The following GHRHR variants were observed in gnomAD, a reference collection of about 807,000 sequenced individuals.
GHRHR encodes growth hormone-releasing hormone receptor.
GHRHR carries 40 observed loss-of-function variants against 58.3 expected under a neutral mutation model. That is an observed-to-expected ratio of 0.69 (90% CI 0.53 to 0.89). GHRHR has a LOEUF of 0.89. Ranked by LOEUF, GHRHR falls within the 40% of genes least tolerant of loss-of-function variation. The pLI is 0.00. For missense variants in GHRHR, 551 were observed against 541.3 expected, an observed-to-expected ratio of 1.02 and a Z score of -0.18; for synonymous variants, 249 against 216.6, an observed-to-expected ratio of 1.15 and a Z score of -1.31.
At chr7:30,975,924 A>C in intron 10 of GHRHR, 56 bp downstream of exon 10, 1 of 969,954 alleles carries the variant, frequency 1.0e-6, no homozygotes, top group Non-Finnish European at 1.7e-6. Context: ...GGGGGATTCA[A>C]TGTGTCTGTC....
intron 1 of GHRHR, among the ~76,000 whole-genome samples, chr7:30,967,300 T>C (rs1398552438): frequency 6.6e-6 from 1 of 152,148 alleles, no homozygotes; most frequent in Non-Finnish European, 1.5e-5. Flanking sequence ...CCACCCTAGA[T>C]CTCTACATAT....
rs1792445803 is a variant in GHRHR at position 30,969,897 on chromosome 7, G to A, written c.299G>A (p.Gly100Asp). 1.2e-6 allele frequency: 2 copies of A among 1,610,122 alleles called. No individual in the cohort carries two copies. Among genetic ancestry groups the A allele is most frequent in the Non-Finnish European group, 1.7e-6 (2 of 1,176,298 alleles). Residue 100 changes from glycine to aspartate, a missense_variant, in exon 4 of 13, where the codon GGC (glycine) becomes GAC (aspartate). Physicochemically the swap from Gly to Asp is moderately conservative, Grantham distance 94 (BLOSUM62 -1). Coordinates refer to ENST00000326139, the MANE Select transcript of GHRHR (RefSeq NM_000823.4). Reference sequence around the variant, plus strand: ...GTGAAACGGGATTGTACTATCACTGGCTGGTCTGAGCCCTTTCCACCTTAC... The same window carrying A: ...GTGAAACGGGATTGTACTATCACTGACTGGTCTGAGCCCTTTCCACCTTAC... Reference protein sequence around the residue: ...GAVKRDCTITGWSEPFPPYPV... With the variant: ...GAVKRDCTITDWSEPFPPYPV...
At chr7:30,976,637 G>A in intron 11 of GHRHR, 79 bp downstream of exon 11, 1 of 1,231,802 alleles carries the variant, frequency 8.1e-7, no homozygotes, top group East Asian at 2.4e-5. Context: ...CCTTGGCTGA[G>A]TTCATGACAG....
chr7:30,975,809 C>T lies in GHRHR; in HGVS notation c.915C>T (p.Arg305=). 6.2e-7 allele frequency: 1 copy of T among 1,611,940 alleles called. No homozygotes were observed. Among genetic ancestry groups the T allele is most frequent in the Non-Finnish European group, 8.5e-7 (1 of 1,177,992 alleles). ...TTGGGCTTTTTCTCAATATTATCCG[C>T]ATCCTGGTGAGGAAACTGGAGCCAG... The part of the protein sequence containing the change: ...VNFGLFLNII[R]ILVRKLEPAQ... The change falls in exon 10 of 13, where the codon CGC becomes CGT. Residue 305 remains arginine (R), a synonymous_variant. Coordinates refer to ENST00000326139, the MANE Select transcript of GHRHR (RefSeq NM_000823.4).
intron 11 of GHRHR, 110 bp from the exon 12 acceptor site, chr7:30,977,171 G>T: frequency 7.1e-6 from 7 of 988,324 alleles, no homozygotes. Context: ...ATCAAACCTG[G>T]CCCAAGCCAT....
intron 12 of GHRHR, among the ~76,000 whole-genome samples, chr7:30,977,544 T>C (rs978413737): frequency 1.2e-4 from 18 of 152,180 alleles, no homozygotes; most frequent in African/African-American, 4.1e-4. Context: ...GGCCAAGTTC[T>C]ACTAGCTACT....
chr7:30,967,366 T>C (rs1792378362), intron 1 of GHRHR, among the ~76,000 whole-genome samples: 1 of 152,204 alleles, frequency 6.6e-6, no homozygotes, highest in Non-Finnish European at 1.5e-5. Flanking sequence ...CTTTCAGAAG[T>C]ACTGCTAGAA....
chr7:30,964,720 T>C (rs941518164), intron 1 of GHRHR, among the ~76,000 whole-genome samples: 2 of 152,208 alleles, frequency 1.3e-5, no homozygotes, highest in Non-Finnish European at 1.5e-5. Context: ...CTTCTCACGA[T>C]GCTGAGGGCT....
At position 30,972,070 on chromosome 7, in the gene GHRHR, A is replaced by G. The variant is rs1351369794; in HGVS notation, c.572A>G (p.Asp191Gly). 6.2e-7 allele frequency: 1 copy of G among 1,614,108 alleles called. No homozygotes were observed. ...LKDAALFHSDDTDHCSFSTVL... is the reference protein window; with the variant it reads ...LKDAALFHSDGTDHCSFSTVL... ...GATGCTGCCCTTTTCCACAGCGACG[A>G]CACTGACCACTGCAGCTTCTCCACT... The change falls in exon 6 of 13, where the codon GAC becomes GGC. Residue 191 changes from aspartate to glycine, a missense_variant. Transcript: ENST00000326139.
chr7:30,974,094 C>T lies in GHRHR; in HGVS notation c.707C>T (p.Pro236Leu), dbSNP rs142710091. ...AACTGCCTCCTGGCCTCCACCTCCCCCAGCTCAAGGAGAGCCTTCTGGTGG... is the reference window on the plus strand; with the variant it reads ...AACTGCCTCCTGGCCTCCACCTCCCTCAGCTCAAGGAGAGCCTTCTGGTGG... ...YLNCLLASTS[P>L]SSRRAFWWLV... is the part of the protein sequence containing the mutation. Residue 236 changes from proline to leucine, a missense_variant, in exon 7 of 13, where the codon CCC becomes CTC. Pro to Leu is a moderately conservative substitution (Grantham distance 98). Coordinates refer to ENST00000326139, the MANE Select transcript of GHRHR (RefSeq NM_000823.4). The T allele has an allele frequency of 5.0e-6, 8 of 1,614,158 alleles. No homozygotes were observed. The highest frequency in any genetic ancestry group is 1.1e-5 in the South Asian group (1 of 91,076).
rs534220273 is a variant in GHRHR at position 30,964,095 on chromosome 7, C to A, written c.27C>A (p.His9Gln). MDRRMWGA[H>Q]VFCVLSPLPT... ...TGGACCGCCGGATGTGGGGGGCCCA[C>A]GTCTTCTGCGTGTTGAGCCCGTTAC... is the stretch of plus-strand genomic sequence containing the variant. The change falls in exon 1 of 13, where the codon CAC becomes CAA. Residue 9 changes from histidine to glutamine, a missense_variant. Physicochemically the swap from His to Gln is conservative, Grantham distance 24 (BLOSUM62 0). Transcript: ENST00000326139. 1.3e-6 allele frequency: 2 copies of A among 1,550,026 alleles called. No individual in the cohort carries two copies. Among genetic ancestry groups the A allele is most frequent in the African/African-American group, 1.4e-5 (1 of 73,056 alleles).
rs1321201781 is a variant in GHRHR, at chr7:30,966,768, G to GAGT, written c.58-2063_58-2061dup. Reference sequence around the variant, plus strand: ...AGTGATTCTCCTGCCTCAGCCTCCTGAGTAGCTGGGATTACAGGAGCGTGT... The same window carrying GAGT: ...AGTGATTCTCCTGCCTCAGCCTCCTGAGTAGTAGCTGGGATTACAGGAGCGTGT... On this transcript the variant is annotated intron_variant, in intron 1 of 12. Coordinates refer to ENST00000326139, the MANE Select transcript of GHRHR (RefSeq NM_000823.4). 2.0e-5 allele frequency among the ~76,000 whole-genome samples: 3 copies of GAGT among 152,164 alleles called. No individual in the cohort carries two copies. In the East Asian group the frequency reaches 5.8e-4, roughly 29 times the overall value.
chr7:30,976,588 C>T (rs1486917325), intron 11 of GHRHR, 30 bp downstream of exon 11: 2 of 1,606,222 alleles, frequency 1.2e-6, no homozygotes, highest in Non-Finnish European at 1.7e-6. Flanking sequence ...CTCTTTCTTT[C>T]CATTGAGGGT....
chr7:30,970,900 C>T (rs891440924), intron 4 of GHRHR: 1 of 620,704 alleles, frequency 1.6e-6, no homozygotes, highest in East Asian at 2.9e-5. Context: ...CCACTCCTCG[C>T]CACTACCCCT....
At position 30,975,775 on chromosome 7, in the gene GHRHR, A is replaced by C. The variant is rs1234237683; in HGVS notation, c.883-2A>C. 6.3e-7 allele frequency: 1 copy of C among 1,595,308 alleles called. No individual in the cohort carries two copies. Among genetic ancestry groups the C allele is most frequent in the African/African-American group, 1.3e-5 (1 of 74,642 alleles). On this transcript the variant is annotated splice_acceptor_variant, in intron 9 of 12. Coordinates refer to ENST00000326139, the MANE Select transcript of GHRHR (RefSeq NM_000823.4). LOFTEE classifies it high-confidence loss of function. ...TCCACCTTCCTATGCCTCTATTTCC[A>C]GGTGAACTTTGGGCTTTTTCTCAAT...
At position 30,971,100 on chromosome 7, in the gene GHRHR, C is replaced by T. The variant is rs1303779768; in HGVS notation, c.367-19C>T. The T allele has an allele frequency of 7.3e-6, 8 of 1,101,318 alleles. No individual in the cohort carries two copies. The highest frequency in any genetic ancestry group is 1.1e-5 in the Non-Finnish European group (8 of 735,218). The allele number at this position is 1,101,318 out of a possible 1,614,324, so 68.2% of individuals were successfully genotyped here. Reference sequence around the variant, plus strand: ...AAGGCCCAGAAGCTGAGACTTTCTTCTGTCTCTGCCCTTCCCAGGAATCTT... The same window carrying T: ...AAGGCCCAGAAGCTGAGACTTTCTTTTGTCTCTGCCCTTCCCAGGAATCTT... On this transcript the variant is annotated intron_variant, in intron 4 of 12. Coordinates refer to ENST00000326139, the MANE Select transcript of GHRHR (RefSeq NM_000823.4).
chr7:30,972,013 T>C lies in GHRHR; in HGVS notation c.515T>C (p.Phe172Ser). ...GTCCACACCCAGCTGTTCACCACTT[T>C]TATCCTCAAGGCGGGAGCTGTGTTC... ...NYVHTQLFTT[F>S]ILKAGAVFLK... Residue 172 changes from phenylalanine (F) to serine (S), a missense_variant, in exon 6 of 13, where the codon TTT (phenylalanine) becomes TCT (serine). Transcript: ENST00000326139. 2 of 1,614,034 alleles carry C rather than the reference T, an allele frequency of 1.2e-6. No homozygotes were observed. The highest frequency in any genetic ancestry group is 2.2e-5 in the East Asian group (1 of 44,858).
intron 4 of GHRHR, chr7:30,970,841 C>G (rs1371902955): frequency 2.0e-6 from 1 of 507,970 alleles, no homozygotes; most frequent in East Asian, 3.7e-5. Flanking sequence ...CATGTAGTTT[C>G]TGCGGCTGCC....
rs929505290 is a variant in GHRHR, at chr7:30,979,367, G to A, written c.*123G>A. 4.3e-6 allele frequency: 4 copies of A among 926,234 alleles called. No homozygotes were observed. Among genetic ancestry groups the A allele is most frequent in the South Asian group, 1.4e-5 (1 of 72,178 alleles). 57.4% of individuals were successfully genotyped at this position (926,234 alleles called of 1,614,324 possible). A position where few individuals can be genotyped will look rare whatever the true frequency, so the allele number is the denominator to read the frequency against. ...AGCTGTTACCCAGCCCGGGGCAGGT[G>A]CAGCCCTTCCTCCCTGTCTCTGCAT... is the stretch of plus-strand genomic sequence containing the variant. On this transcript the variant is annotated 3_prime_UTR_variant, in exon 13 of 13. Coordinates refer to ENST00000326139, the MANE Select transcript of GHRHR (RefSeq NM_000823.4).
Sources: gnomAD v4.1 joint callset for allele counts (sites outside exome capture counted in the v4.1 genomes callset) on GRCh38, gnomAD v4.1.1 for gene constraint, MANE v1.5 for transcripts, NCBI Gene and HGNC (gene_info 2026-07-23, HGNC 2026-07-21) for gene names.